The following RALA variants were observed in gnomAD, a reference collection of about 807,000 sequenced individuals.
RALA encodes the protein RAS like proto-oncogene A.
RALA carries 5 observed loss-of-function variants against 24.0 expected under a neutral mutation model. That is an observed-to-expected ratio of 0.21 (90% CI 0.11 to 0.44). RALA has a LOEUF of 0.44. Ranked by LOEUF, RALA falls within the 20% of genes least tolerant of loss-of-function variation. The pLI, the probability that RALA is intolerant of heterozygous loss-of-function variation, is 0.99. For synonymous variants in RALA, 77 were observed against 83.8 expected, an observed-to-expected ratio of 0.92 and a Z score of 0.44; for missense variants, 95 against 241.2, an observed-to-expected ratio of 0.39 and a Z score of 4.01.
intron 1 of RALA, among the ~76,000 whole-genome samples, chr7:39,652,050 G>T (rs1316350170): frequency 2.0e-5 from 3 of 152,132 alleles, no homozygotes; most frequent in African/African-American, 7.2e-5. Context: ...GAGGCTGGGA[G>T]GTTTAAGATC....
intron 1 of RALA, among the ~76,000 whole-genome samples, chr7:39,660,400 A>T (rs17507811): frequency 6.6e-5 from 10 of 152,266 alleles, no homozygotes; most frequent in Middle Eastern, 3.4e-3. Context: ...TTAGAAATAC[A>T]TAACACTTAT....
At chr7:39,634,831 T>G (rs1191217859) in intron 1 of RALA, among the ~76,000 whole-genome samples, 1 of 152,236 alleles carries the variant, frequency 6.6e-6, no homozygotes, top group Non-Finnish European at 1.5e-5. Context: ...ATGTTTTGTT[T>G]TGATCCAGTT....
chr7:39,674,412 A>G (rs890653554), intron 1 of RALA, among the ~76,000 whole-genome samples: 1 of 152,164 alleles, frequency 6.6e-6, no homozygotes, highest in Non-Finnish European at 1.5e-5. Context: ...CCATTCTCGT[A>G]TCTGGTTTGA....
rs150012236 is a variant in RALA, at chr7:39,656,012, A to G, written c.-37-30619A>G. Among the ~76,000 whole-genome samples the G allele has an allele frequency of 3.3e-5, 5 of 152,350 alleles. No individual in the cohort carries two copies. In the East Asian group the frequency reaches 9.6e-4, roughly 29 times the overall value. ...TTTCACTTTTTATTGTGATCAGCTG[A>G]ACTTACATAAAAAGGCAGGCAGTAT... On this transcript the variant is annotated intron_variant, in intron 1 of 4. Coordinates refer to ENST00000005257, the MANE Select transcript of RALA (RefSeq NM_005402.4).
At chr7:39,627,916 C>T (rs1036142123) in intron 1 of RALA, among the ~76,000 whole-genome samples, 1 of 152,186 alleles carries the variant, frequency 6.6e-6, no homozygotes, top group African/African-American at 2.4e-5. Context: ...ATCTCATATA[C>T]AAAACCTTCA....
chr7:39,680,379 A>AC (rs1792568932), intron 1 of RALA, among the ~76,000 whole-genome samples: 2 of 73,976 alleles, frequency 2.7e-5, no homozygotes, highest in African/African-American at 2.1e-4. Context: ...TCTGTCTCAA[A>AC]AAAAAACAAA....
rs537362096 is a variant in RALA, at chr7:39,676,986, T to C, written c.-37-9645T>C. On this transcript the variant is annotated intron_variant, in intron 1 of 4. Transcript: ENST00000005257. The stretch of plus-strand genomic sequence containing the variant: ...GGAATTCTGCCAGCATAATTAAGGA[T>C]TTTGAAGTGAGGAGATTATTCTGGA... Among the ~76,000 whole-genome samples the C allele has an allele frequency of 2.6e-5, 4 of 152,214 alleles. 1 individual carries two copies. The highest frequency in any genetic ancestry group is 4.1e-4 in the South Asian group (2 of 4,826).
intron 1 of RALA, among the ~76,000 whole-genome samples, chr7:39,649,017 G>C (rs572329127): frequency 2.1e-3 from 326 of 152,212 alleles, no homozygotes; most frequent in Non-Finnish European, 3.8e-3. Flanking sequence ...CTGTGATCAT[G>C]CCGTTGCACT....
intron 4 of RALA, among the ~76,000 whole-genome samples, chr7:39,705,683 A>G (rs1262005764): frequency 6.6e-6 from 1 of 152,042 alleles, no homozygotes; most frequent in Non-Finnish European, 1.5e-5. Flanking sequence ...TAAAAATGGA[A>G]CTGAGGAAAC....
chr7:39,635,491 C>T (rs2115926499), intron 1 of RALA, among the ~76,000 whole-genome samples: 1 of 152,288 alleles, frequency 6.6e-6, no homozygotes, highest in South Asian at 2.1e-4. Context: ...ACTCATTAGT[C>T]ATCAGTCCTG....
chr7:39,684,712 T>TAAAAAAAAAAAA (rs34582850), intron 1 of RALA, among the ~76,000 whole-genome samples: 2 of 110,406 alleles, frequency 1.8e-5, no homozygotes, highest in Non-Finnish European at 3.6e-5. Flanking sequence ...GCTGATGAGC[T>TAAAAAAAAAAAA]AAAAAAAAAA....
chr7:39,686,531 T>C, intron 1 of RALA, 100 bp from the exon 2 acceptor site: 1 of 637,098 alleles, frequency 1.6e-6, no homozygotes. Flanking sequence ...CACTACAGAT[T>C]GAAAACTAGT....
intron 1 of RALA, among the ~76,000 whole-genome samples, 160 bp from the exon 2 acceptor site, chr7:39,686,471 C>G (rs1391146185): frequency 6.6e-6 from 1 of 152,174 alleles, no homozygotes; most frequent in Non-Finnish European, 1.5e-5. Flanking sequence ...ATAAATGGTT[C>G]ATGGTTTTTC....
intron 1 of RALA, among the ~76,000 whole-genome samples, chr7:39,629,470 A>G (rs1791552742): frequency 6.6e-6 from 1 of 152,172 alleles, no homozygotes; most frequent in South Asian, 2.1e-4. Context: ...GCTGGAGTGC[A>G]GTGGCACGAT....
intron 1 of RALA, among the ~76,000 whole-genome samples, chr7:39,628,787 C>T (rs1187337898): frequency 6.6e-6 from 1 of 151,926 alleles, no homozygotes; most frequent in Non-Finnish European, 1.5e-5. Context: ...GAACTCCTGA[C>T]CTCGTGAGCC....
intron 1 of RALA, among the ~76,000 whole-genome samples, chr7:39,680,194 A>T (rs1169884043): frequency 6.6e-6 from 1 of 151,736 alleles, no homozygotes; most frequent in Admixed American, 6.6e-5. Flanking sequence ...ACATGGAGAA[A>T]CCCCGTCTTT....
In RALA at chr7:39,623,971, G is replaced by A. The variant is rs1791426349; in HGVS notation, c.-38+146G>A. On this transcript the variant is annotated intron_variant, in intron 1 of 4. Transcript: ENST00000005257. This position sits in a 1 kb window ranked among gnomAD's most constrained non-coding sequence, Gnocchi z 4.9. ...CATCCCACGTTCTGCCCGGGGACGA[G>A]CTGCGAGATGAGCCCGGCTGGAATC... The A allele has an allele frequency of 1.3e-5, 2 of 152,226 alleles. No individual in the cohort carries two copies. Among genetic ancestry groups the A allele is most frequent in the Admixed American group, 1.3e-4 (2 of 15,280 alleles). The allele number at this position is 152,226 out of a possible 1,614,324, so 9.4% of individuals were successfully genotyped here.
intron 1 of RALA, among the ~76,000 whole-genome samples, chr7:39,647,805 A>AT (rs567655968): frequency 1.3e-5 from 2 of 152,332 alleles, no homozygotes; most frequent in South Asian, 4.1e-4. Flanking sequence ...CAGACACCGA[A>AT]TGTGCTGGCA....
At chr7:39,694,292 A>G (rs1204816979) in intron 3 of RALA, among the ~76,000 whole-genome samples, 2 of 152,206 alleles carry the variant, frequency 1.3e-5, no homozygotes, top group African/African-American at 4.8e-5. Flanking sequence ...GTGACATCCA[A>G]ATTTATAAAT....
Sources: allele counts gnomAD v4.1 joint callset (sites outside exome capture counted in the v4.1 genomes callset), GRCh38; gene constraint gnomAD v4.1.1; non-coding constraint Gnocchi (gnomAD v3.1); transcripts MANE v1.5; gene names NCBI Gene and HGNC (gene_info 2026-07-23, HGNC 2026-07-21).